Variants in MACF1 observed in about 807,000 individuals in gnomAD.
The protein encoded by MACF1 is microtubule-actin cross-linking factor 1.
Under a neutral mutation model 854.8 loss-of-function variants are expected in MACF1, and 193 were observed. That is an observed-to-expected ratio of 0.23 (90% CI 0.20 to 0.25). The LOEUF (loss-of-function observed/expected upper bound fraction) is 0.25, where lower values mean the gene tolerates loss of function less well. Among genes scored for constraint, MACF1 ranks in the 10% least tolerant of loss-of-function variants. The pLI is 1.00. For synonymous variants in MACF1, 3,185 were observed against 3,226.7 expected (o/e 0.99, Z 0.44); for missense variants, 7,722 against 8,929.1 (o/e 0.86, Z 5.45).
chr1:39,098,613 G>A (rs1429640920), intron 2 of MACF1, among the ~76,000 whole-genome samples: 2 of 152,206 alleles, frequency 1.3e-5, no homozygotes, highest in African/African-American at 4.8e-5. Flanking sequence ...AGGAAGCACT[G>A]GAGATTATTT....
chr1:39,446,344 G>A (rs1479381324), intron 80 of MACF1, among the ~76,000 whole-genome samples: 1 of 151,380 alleles, frequency 6.6e-6, no homozygotes, highest in Non-Finnish European at 1.5e-5. Context: ...AAGAATATGT[G>A]GATAGAATGA....
rs750587563 is a variant in MACF1, at chr1:39,333,541, C to G, written c.6953C>G (p.Pro2318Arg). 1 of 1,614,190 alleles carries G rather than the reference C, an allele frequency of 6.2e-7. No homozygotes were observed. Among genetic ancestry groups the G allele is most frequent in the Non-Finnish European group, 8.5e-7 (1 of 1,180,016 alleles). Residue 2318 changes from proline (P) to arginine (R), a missense_variant, in exon 37 of 101, where the codon CCA (proline) becomes CGA (arginine). Physicochemically the swap from Pro to Arg is moderately radical, Grantham distance 103 (BLOSUM62 -2). This residue lies in a region of MACF1 where 1,531 missense variants were observed against 1,601.6 expected (regional missense o/e 0.96). Coordinates refer to ENST00000564288, the MANE Select transcript of MACF1 (RefSeq NM_001394062.1). ...GAAGCAATATCCCGAGGCATTGTGC[C>G]AAGTCACACTGCCGTGAAGCTTATG... The part of the protein sequence containing the change: ...LNEAISRGIV[P>R]SHTAVKLMEK...
chr1:39,475,321 TAGCC>T (rs1644857556), intron 97 of MACF1, among the ~76,000 whole-genome samples: 1 of 151,932 alleles, frequency 6.6e-6, no homozygotes, highest in South Asian at 2.1e-4. Context: ...ATACAAAAAT[TAGCC>T]AGGCAAGGTG....
intron 58 of MACF1, among the ~76,000 whole-genome samples, chr1:39,406,357 T>C (rs558421405): frequency 6.6e-6 from 1 of 152,112 alleles, no homozygotes; most frequent in African/African-American, 2.4e-5. Context: ...AGGGAATTAT[T>C]TAAGAAAAGT....
intron 2 of MACF1, among the ~76,000 whole-genome samples, chr1:39,153,487 G>A (rs911265189): frequency 2.0e-5 from 3 of 152,164 alleles, no homozygotes; most frequent in African/African-American, 7.2e-5. Flanking sequence ...CAGCCAAAAA[G>A]AAAAGGCTCA....
chr1:39,226,466 G>A (rs750045727), intron 1 of MACF1, among the ~76,000 whole-genome samples: 14 of 151,776 alleles, frequency 9.2e-5, no homozygotes, highest in Non-Finnish European at 1.9e-4. Context: ...TCAGCCTTCC[G>A]AGTAGCTGGG....
In MACF1 at chr1:39,349,563, G is replaced by C; in HGVS notation, c.10901G>C (p.Gly3634Ala). ...GGACAGGCAGAAAGAGCACTGGCAG[G>C]CCACCAAGGCAGAACCACCCAGCAG... ...WVGQAERALA[G>A]HQGRTTQQDL... Residue 3634 changes from glycine (G) to alanine (A), a missense_variant, in exon 42 of 101, where the codon GGC becomes GCC. Gly to Ala is a moderately conservative substitution (Grantham distance 60). Transcript: ENST00000564288. The C allele has an allele frequency of 6.2e-7, 1 of 1,614,212 alleles. No homozygotes were observed. Among genetic ancestry groups the C allele is most frequent in the Non-Finnish European group, 8.5e-7 (1 of 1,180,016 alleles).
At chr1:39,227,247 C>G (rs779139676) in intron 1 of MACF1, among the ~76,000 whole-genome samples, 1 of 152,126 alleles carries the variant, frequency 6.6e-6, no homozygotes, top group Non-Finnish European at 1.5e-5. Flanking sequence ...GAACTGGATT[C>G]TTGTAGGTAA....
At chr1:39,269,387 A>G (rs1273585888) in intron 6 of MACF1, 1 of 1,289,744 alleles carries the variant, frequency 7.8e-7, no homozygotes, top group Non-Finnish European at 1.0e-6. Context: ...AGAGTGTTTC[A>G]GGTGCCCCTC....
At chr1:39,122,163 C>G (rs1642730842) in intron 2 of MACF1, among the ~76,000 whole-genome samples, 1 of 151,874 alleles carries the variant, frequency 6.6e-6, no homozygotes, top group Non-Finnish European at 1.5e-5. Flanking sequence ...ACATTTCAGA[C>G]TTTCTTTTTA....
chr1:39,477,069 A>G (rs1318268846), intron 97 of MACF1, among the ~76,000 whole-genome samples: 5 of 17,480 alleles, frequency 2.9e-4, no homozygotes, highest in South Asian at 3.0e-3. Flanking sequence ...ATATATATAT[A>G]TATATATATA....
At chr1:39,130,895 G>A (rs1642982533) in intron 2 of MACF1, among the ~76,000 whole-genome samples, 1 of 151,262 alleles carries the variant, frequency 6.6e-6, no homozygotes, top group Non-Finnish European at 1.5e-5. Context: ...AGGCTGGAGT[G>A]CAATGGTGTG....
At chr1:39,166,153 T>C (rs556889223) in intron 2 of MACF1, among the ~76,000 whole-genome samples, 18 of 151,294 alleles carry the variant, frequency 1.2e-4, no homozygotes, top group African/African-American at 4.1e-4. Flanking sequence ...CTGCAACCTC[T>C]GCCTCCCAGG....
intron 58 of MACF1, among the ~76,000 whole-genome samples, chr1:39,404,631 A>T (rs1310747970): frequency 1.3e-5 from 2 of 152,314 alleles, no homozygotes; most frequent in East Asian, 3.9e-4. Context: ...CTAGGACTAC[A>T]GATGCACATG....
At chr1:39,458,561 T>C in intron 90 of MACF1, 71 bp downstream of exon 90, 1 of 1,492,756 alleles carries the variant, frequency 6.7e-7, no homozygotes, top group East Asian at 2.3e-5. Flanking sequence ...TCCAAATGCC[T>C]ATCAAAAAAA....
chr1:39,393,388 G>C (rs917154995), intron 58 of MACF1, among the ~76,000 whole-genome samples: 1 of 151,538 alleles, frequency 6.6e-6, no homozygotes, highest in Non-Finnish European at 1.5e-5. Flanking sequence ...TGATGGTTTG[G>C]GCATCATACT....
At chr1:39,364,989 A>G (rs973236066) in intron 49 of MACF1, among the ~76,000 whole-genome samples, 6 of 152,124 alleles carry the variant, frequency 3.9e-5, no homozygotes, top group Non-Finnish European at 7.4e-5. Flanking sequence ...AGTATGAATC[A>G]TGTTACCTTT....
chr1:39,485,825 A>G lies in MACF1; in HGVS notation c.*31A>G, dbSNP rs377200423. On this transcript the variant is annotated 3_prime_UTR_variant, in exon 101 of 101. Coordinates refer to ENST00000564288, the MANE Select transcript of MACF1 (RefSeq NM_001394062.1). ...TCTAAGCACCCCCAAGCCACTATCCACTTTGAATCCTGCTCCATACATTGG... is the reference window on the plus strand; with the variant it reads ...TCTAAGCACCCCCAAGCCACTATCCGCTTTGAATCCTGCTCCATACATTGG... 3 of 1,543,412 alleles carry G rather than the reference A, an allele frequency of 1.9e-6. No homozygotes were observed. The African/African-American group carries it at 4.1e-5, about 21-fold the overall frequency.
intron 2 of MACF1, among the ~76,000 whole-genome samples, chr1:39,238,866 T>A (rs1342170999): frequency 6.6e-6 from 1 of 152,210 alleles, no homozygotes; most frequent in Non-Finnish European, 1.5e-5. Context: ...TGGAATTATT[T>A]GATTTTGGGC....
Sources: allele counts gnomAD v4.1 joint callset (sites outside exome capture counted in the v4.1 genomes callset), GRCh38; gene constraint gnomAD v4.1.1; regional missense constraint gnomAD v4.1.1; transcripts MANE v1.5; gene names NCBI Gene and HGNC (gene_info 2026-07-23, HGNC 2026-07-21).